Variants in ASTN2 observed in about 807,000 individuals in gnomAD.
ASTN2 encodes astrotactin 2.
ASTN2 carries 54 observed loss-of-function variants against 139.8 expected under a neutral mutation model. The ratio of observed to expected loss-of-function variants is 0.39; its 90% confidence interval spans 0.31 to 0.48. The LOEUF (loss-of-function observed/expected upper bound fraction) is 0.48. ASTN2 is among the 20% of genes least tolerant of loss of function. The pLI, the probability that ASTN2 is intolerant of heterozygous loss-of-function variation, is 0.95. For synonymous variants in ASTN2, 756 were observed against 719.5 expected (o/e 1.05, Z -0.81); for missense variants, 1,565 against 1,725.1 (o/e 0.91, Z 1.64).
chr9:116,634,364 G>A (rs1488168985), intron 17 of ASTN2, among the ~76,000 whole-genome samples: 2 of 152,008 alleles, frequency 1.3e-5, no homozygotes, highest in Non-Finnish European at 2.9e-5. Flanking sequence ...GCCGAGGCGG[G>A]CGGATCACGA....
At chr9:116,573,261 C>T (rs2131694271) in intron 19 of ASTN2, among the ~76,000 whole-genome samples, 1 of 152,266 alleles carries the variant, frequency 6.6e-6, no homozygotes, top group Admixed American at 6.5e-5. Context: ...GATGACAGCT[C>T]CAGGTGAACC....
At chr9:116,926,804 G>A (rs560116901) in intron 10 of ASTN2, among the ~76,000 whole-genome samples, 22 of 152,158 alleles carry the variant, frequency 1.4e-4, no homozygotes, top group Non-Finnish European at 2.1e-4. Context: ...TTGAACTCAT[G>A]TGTAGCTGAC....
intron 19 of ASTN2, among the ~76,000 whole-genome samples, chr9:116,540,214 T>C (rs974193171): frequency 2.6e-5 from 4 of 152,202 alleles, no homozygotes; most frequent in African/African-American, 9.7e-5. Flanking sequence ...ATTCTAGTTC[T>C]AATTCAAATT....
intron 3 of ASTN2, among the ~76,000 whole-genome samples, chr9:117,143,064 T>C (rs914408418): frequency 2.0e-5 from 3 of 152,240 alleles, no homozygotes; most frequent in Admixed American, 6.5e-5. Context: ...TAGACAGATG[T>C]GTCTGCAGAG....
Position 116,847,021 on chromosome 9 carries a change from A to C in ASTN2, c.2040+16562T>G, listed in dbSNP as rs371991626. On this transcript the variant is annotated intron_variant, in intron 11 of 22. Coordinates refer to ENST00000313400, the MANE Select transcript of ASTN2 (RefSeq NM_001365068.1). ...AGCTTCATTCTCAAAAAAAAAAAAAAAAAAACAAAAAACAAAAAACAAAAA... is the reference window on the plus strand; with the variant it reads ...AGCTTCATTCTCAAAAAAAAAAAAACAAAAACAAAAAACAAAAAACAAAAA... 8.4e-3 allele frequency among the ~76,000 whole-genome samples: 957 copies of C among 113,326 alleles called. 7 individuals carry two copies. Among genetic ancestry groups the C allele is most frequent in the Middle Eastern group, 0.047 (11 of 236 alleles). 74.3% of individuals were successfully genotyped at this position (113,326 alleles called of 152,430 possible). A position where few individuals can be genotyped will look rare whatever the true frequency, so the allele number is the denominator to read the frequency against.
intron 16 of ASTN2, among the ~76,000 whole-genome samples, chr9:116,723,987 AC>A (rs1226714454): frequency 6.6e-6 from 1 of 152,174 alleles, no homozygotes; most frequent in African/African-American, 2.4e-5. Context: ...CTTACTTGTA[AC>A]AGATTCCATG....
intron 16 of ASTN2, chr9:116,697,766 C>T (rs774511117): frequency 6.2e-7 from 1 of 1,614,002 alleles, no homozygotes; most frequent in Non-Finnish European, 8.5e-7. Flanking sequence ...CAGCTTCTCA[C>T]CTGAACCTGG....
At chr9:116,521,303 T>G (rs1164138286) in intron 19 of ASTN2, among the ~76,000 whole-genome samples, 1 of 152,018 alleles carries the variant, frequency 6.6e-6, no homozygotes. Context: ...AACAGGCATA[T>G]AGACAAATGG....
intron 10 of ASTN2, among the ~76,000 whole-genome samples, chr9:116,876,166 T>G (rs1833289995): frequency 6.6e-6 from 1 of 152,246 alleles, no homozygotes; most frequent in African/African-American, 2.4e-5. Context: ...TAGCACGAGT[T>G]TGGAAGAAGT....
At chr9:116,516,675 G>A (rs1850664809) in intron 19 of ASTN2, among the ~76,000 whole-genome samples, 1 of 152,190 alleles carries the variant, frequency 6.6e-6, no homozygotes, top group Admixed American at 6.5e-5. Context: ...AAAAAACTGT[G>A]AGTCAGCTTG....
At chr9:116,776,114 T>C (rs1830083226) in intron 13 of ASTN2, among the ~76,000 whole-genome samples, 2 of 152,162 alleles carry the variant, frequency 1.3e-5, no homozygotes, top group African/African-American at 4.8e-5. Flanking sequence ...ACATGTATAA[T>C]AAGCAGGAAG....
intron 10 of ASTN2, among the ~76,000 whole-genome samples, chr9:116,957,990 TA>T (rs1835764745): frequency 6.6e-6 from 1 of 152,180 alleles, no homozygotes; most frequent in South Asian, 2.1e-4. Context: ...AGATTCAGAT[TA>T]TGTATTTTTG....
chr9:117,086,612 G>C (rs1164094977), intron 5 of ASTN2, among the ~76,000 whole-genome samples: 1 of 151,964 alleles, frequency 6.6e-6, no homozygotes, highest in Non-Finnish European at 1.5e-5. Flanking sequence ...CCAAGTCTTA[G>C]GACTTCCAGT....
At chr9:116,964,256 T>TGTGTGTGTGCGCGCGC (rs1491183340) in intron 10 of ASTN2, among the ~76,000 whole-genome samples, 1 of 98,868 alleles carries the variant, frequency 1.0e-5, no homozygotes, top group African/African-American at 3.2e-5. Context: ...TGTGTGTGTG[T>TGTGTGTGTGCGCGCGC]GCGCGCGCGC....
At chr9:117,140,614 AAAGAGGAGGAGGAGG>A (rs1830051632) in intron 4 of ASTN2, among the ~76,000 whole-genome samples, 1 of 151,134 alleles carries the variant, frequency 6.6e-6, no homozygotes. Flanking sequence ...GTAGAAGGAG[AAAGAGGAGGAGGAGG>A]AAGAGGAGGA....
intron 3 of ASTN2, among the ~76,000 whole-genome samples, chr9:117,144,430 A>G (rs1419570571): frequency 6.6e-6 from 1 of 152,188 alleles, no homozygotes; most frequent in Non-Finnish European, 1.5e-5. Context: ...CCCAGGGGCC[A>G]CAGGCAGCCC....
chr9:117,084,036 GAAAA>G (rs60435447), intron 5 of ASTN2, among the ~76,000 whole-genome samples: 1 of 120,912 alleles, frequency 8.3e-6, no homozygotes. Context: ...GGATCTTTAA[GAAAA>G]AAAAAAAAAA....
chr9:116,430,916 T>C (rs976722632), intron 22 of ASTN2, among the ~76,000 whole-genome samples: 21 of 152,210 alleles, frequency 1.4e-4, no homozygotes, highest in Non-Finnish European at 1.8e-4. Context: ...TCAGGCATGC[T>C]TCAAGCTTTC....
At chr9:116,762,025 T>C (rs1829685998) in intron 13 of ASTN2, among the ~76,000 whole-genome samples, 1 of 152,326 alleles carries the variant, frequency 6.6e-6, no homozygotes, top group Admixed American at 6.5e-5. Context: ...TGGCTTTGCA[T>C]AGCTCCCTGA....
Sources: gnomAD v4.1 joint callset for allele counts (sites outside exome capture counted in the v4.1 genomes callset) on GRCh38, gnomAD v4.1.1 for gene constraint, MANE v1.5 for transcripts, NCBI Gene and HGNC (gene_info 2026-07-23, HGNC 2026-07-21) for gene names.